The following ADCY3 variants were observed in gnomAD, a reference collection of about 807,000 sequenced individuals.
ADCY3 encodes the protein adenylate cyclase 3, also known as adenylate cyclase type 3.
ADCY3 carries 70 observed loss-of-function variants against 119.4 expected under a neutral mutation model. The ratio of observed to expected loss-of-function variants is 0.59; its 90% CI spans 0.48 to 0.72. ADCY3 has a LOEUF of 0.72. Ranked by LOEUF, ADCY3 falls within the 30% of genes least tolerant of loss-of-function variation. The pLI is 0.00. For missense variants in ADCY3, 1,238 were observed against 1,541.6 expected, an observed-to-expected ratio of 0.80 and a Z score of 3.30; for synonymous variants, 672 against 621.4, an observed-to-expected ratio of 1.08 and a Z score of -1.21.
Position 24,841,753 on chromosome 2 carries a change from G to T in ADCY3, c.957-86C>A. The stretch of plus-strand genomic sequence containing the variant: ...TGCCAGCTCCCTCTCCAACCCACAG[G>T]GCAGCCAGGATCAGGGCAGGAGAAG... On this transcript the variant is annotated intron_variant, in intron 4 of 21. Coordinates refer to ENST00000679454, the MANE Select transcript of ADCY3 (RefSeq NM_004036.5). The surrounding 1 kb of genome is among the most constrained non-coding windows in gnomAD (Gnocchi z 5.8). The T allele has an allele frequency of 9.9e-7, 1 of 1,013,062 alleles. No homozygotes were observed. Among genetic ancestry groups the T allele is most frequent in the Non-Finnish European group, 1.5e-6 (1 of 655,620 alleles). 62.8% of individuals were successfully genotyped at this position (1,013,062 alleles called of 1,614,324 possible).
chr2:24,905,380 C>T (rs1342332572), intron 2 of ADCY3, among the ~76,000 whole-genome samples: 4 of 152,022 alleles, frequency 2.6e-5, no homozygotes, highest in East Asian at 1.9e-4. Flanking sequence ...ATGATCCGCC[C>T]GCCTCGGCCT....
At chr2:24,912,297 T>C (rs1663805182) in intron 2 of ADCY3, among the ~76,000 whole-genome samples, 1 of 144,514 alleles carries the variant, frequency 6.9e-6, no homozygotes, top group Non-Finnish European at 1.5e-5. Flanking sequence ...ACTCTGTCTC[T>C]ATTTGAAAAA....
intron 8 of ADCY3, 78 bp from the exon 9 acceptor site, chr2:24,837,123 G>T: frequency 6.8e-7 from 1 of 1,475,036 alleles, no homozygotes; most frequent in South Asian, 1.3e-5. Flanking sequence ...TGACAAGGGC[G>T]TGGGAGGCGG....
intron 3 of ADCY3, among the ~76,000 whole-genome samples, chr2:24,868,612 T>C (rs1215982370): frequency 6.6e-6 from 1 of 151,598 alleles, no homozygotes. Flanking sequence ...CCAGCCTGGG[T>C]AACAGAGCAA....
intron 3 of ADCY3, among the ~76,000 whole-genome samples, chr2:24,859,863 C>T (rs1424912341): frequency 6.6e-6 from 1 of 152,174 alleles, no homozygotes; most frequent in East Asian, 1.9e-4. Context: ...CAGCTGTCTC[C>T]CCAGGATCCC....
chr2:24,836,878 T>C (rs1670387196), intron 9 of ADCY3, 39 bp downstream of exon 9: 1 of 1,569,934 alleles, frequency 6.4e-7, no homozygotes, highest in East Asian at 2.3e-5. Context: ...TGCCCGCATC[T>C]GGCCCTCAGT....
rs1678544286 is a variant in ADCY3, at chr2:24,898,472, G to T, written c.675+19841C>A. 6.6e-6 allele frequency among the ~76,000 whole-genome samples: 1 copy of T among 152,188 alleles called. No homozygotes were observed. The highest frequency in any genetic ancestry group is 2.4e-5 in the African/African-American group (1 of 41,454). On this transcript the variant is annotated intron_variant, in intron 2 of 21. Coordinates refer to ENST00000679454, the MANE Select transcript of ADCY3 (RefSeq NM_004036.5). This position sits in a 1 kb window ranked among gnomAD's most constrained non-coding sequence, Gnocchi z 4.3. The stretch of plus-strand genomic sequence containing the variant: ...ACTTCACACAGTGCTTCATGAAGGG[G>T]TGAGTCAGGCGCCATCTCTCCTTTT...
At chr2:24,822,300 GAAC>G in intron 19 of ADCY3, 1 of 617,508 alleles carries the variant, frequency 1.6e-6, no homozygotes, top group Non-Finnish European at 2.7e-6. Flanking sequence ...CCTGAGCTGT[GAAC>G]AGCAGGGGGT....
chr2:24,885,747 A>G lies in ADCY3; in HGVS notation c.676-13028T>C, dbSNP rs73923461. On this transcript the variant is annotated intron_variant, in intron 2 of 21. Coordinates refer to ENST00000679454, the MANE Select transcript of ADCY3 (RefSeq NM_004036.5). Reference sequence around the variant, plus strand: ...TTTTGCAAGTACCACCTTCTGCTCAAAACACCTCAATAGCTGCCAATTGTC... The same window carrying G: ...TTTTGCAAGTACCACCTTCTGCTCAGAACACCTCAATAGCTGCCAATTGTC... Among the ~76,000 whole-genome samples the G allele has an allele frequency of 1.5e-3, 236 of 152,308 alleles. 1 individual carries two copies. Among genetic ancestry groups the G allele is most frequent in the African/African-American group, 5.1e-3 (211 of 41,558 alleles).
intron 3 of ADCY3, among the ~76,000 whole-genome samples, chr2:24,855,313 G>A (rs937423006): frequency 3.9e-5 from 6 of 152,172 alleles, no homozygotes; most frequent in African/African-American, 7.2e-5. Context: ...AGGCTGCTGG[G>A]GAACAGAATG....
At chr2:24,884,086 A>G (rs1266777946) in intron 2 of ADCY3, among the ~76,000 whole-genome samples, 2 of 151,918 alleles carry the variant, frequency 1.3e-5, no homozygotes, top group Admixed American at 1.3e-4. Context: ...AGCCTCTCAC[A>G]GCCTTCCCAG....
At chr2:24,828,976 C>T (rs1351969531) in intron 13 of ADCY3, among the ~76,000 whole-genome samples, 3 of 152,020 alleles carry the variant, frequency 2.0e-5, no homozygotes, top group Non-Finnish European at 4.4e-5. Context: ...AAGGTAGGCT[C>T]TGGAGCCCCT....
chr2:24,831,538 T>TTTTTTC (rs1669507201), intron 12 of ADCY3, 124 bp downstream of exon 12: 3 of 780,862 alleles, frequency 3.8e-6, no homozygotes, highest in Non-Finnish European at 6.6e-6. Flanking sequence ...GCCTGGACCG[T>TTTTTTC]CCTAACAGAG....
chr2:24,867,730 G>A (rs1674476418), intron 3 of ADCY3, among the ~76,000 whole-genome samples: 1 of 152,166 alleles, frequency 6.6e-6, no homozygotes. Flanking sequence ...AGAAAATGAA[G>A]CAAAGAAATG....
Position 24,838,433 on chromosome 2 carries a change from T to C in ADCY3, c.1533+12A>G. On this transcript the variant is annotated intron_variant, in intron 8 of 21. Coordinates refer to ENST00000679454, the MANE Select transcript of ADCY3 (RefSeq NM_004036.5). ...GGTGGGTGGGGTGGGTGGGGTGGGG[T>C]GGGGAACTCACCGAGCCATTGAGGC... 2 of 1,264,248 alleles carry C rather than the reference T, an allele frequency of 1.6e-6. No homozygotes were observed. Among genetic ancestry groups the C allele is most frequent in the Non-Finnish European group, 1.1e-6 (1 of 936,766 alleles). 78.3% of individuals were successfully genotyped at this position (1,264,248 alleles called of 1,614,324 possible). A position where few individuals can be genotyped will look rare whatever the true frequency, so the allele number is the denominator to read the frequency against.
chr2:24,907,744 C>T (rs1331081733), intron 2 of ADCY3, among the ~76,000 whole-genome samples: 1 of 152,204 alleles, frequency 6.6e-6, no homozygotes, highest in Non-Finnish European at 1.5e-5. Flanking sequence ...TCTGTAATCC[C>T]AGCACTTTGG....
chr2:24,823,576 G>C (rs901857869), intron 17 of ADCY3, among the ~76,000 whole-genome samples: 4 of 149,992 alleles, frequency 2.7e-5, no homozygotes, highest in Non-Finnish European at 2.9e-5. Flanking sequence ...AATTAGGTAT[G>C]ATCGAAGCAC....
In ADCY3 at chr2:24,834,578, G is replaced by A. The variant is rs759165517; in HGVS notation, c.1874C>T (p.Ser625Leu). The change falls in exon 11 of 22, where the codon TCG becomes TTG. Residue 625 changes from serine to leucine, a missense_variant. This residue lies in a region of ADCY3 where 499 missense variants were observed against 571.0 expected (regional missense o/e 0.87). Coordinates refer to ENST00000679454, the MANE Select transcript of ADCY3 (RefSeq NM_004036.5). The surrounding 1 kb of genome is among the most constrained non-coding windows in gnomAD (Gnocchi z 4.2). ...CCCACTCTGCTTCTCCTTCTCCACCGAGTAGCGGGTTTCCATCTCGGGGTC... is the reference window on the plus strand; with the variant it reads ...CCCACTCTGCTTCTCCTTCTCCACCAAGTAGCGGGTTTCCATCTCGGGGTC... ...FMDPEMETRY[S>L]VEKEKQSGAA... The A allele has an allele frequency of 3.7e-6, 6 of 1,614,014 alleles. No individual in the cohort carries two copies. The highest frequency in any genetic ancestry group is 1.6e-4 in the Middle Eastern group (1 of 6,082).
intron 2 of ADCY3, among the ~76,000 whole-genome samples, chr2:24,891,093 C>T (rs1677602752): frequency 6.6e-6 from 1 of 152,092 alleles, no homozygotes; most frequent in Non-Finnish European, 1.5e-5. Context: ...TGGTCTCGAA[C>T]TCCTGACCTC....
Sources: gnomAD v4.1 joint callset for allele counts (sites outside exome capture counted in the v4.1 genomes callset) on GRCh38, gnomAD v4.1.1 for gene constraint, gnomAD v4.1.1 regional missense constraint, Gnocchi (gnomAD v3.1) non-coding constraint, MANE v1.5 for transcripts, NCBI Gene and HGNC (gene_info 2026-07-23, HGNC 2026-07-21) for gene names.